Variants in ADARB2 observed in about 807,000 individuals in gnomAD.
ADARB2 encodes adenosine deaminase RNA specific B2 (inactive).
Under a neutral mutation model 62.2 loss-of-function variants are expected in ADARB2, and 25 were observed. The observed-to-expected ratio is 0.40, with a 90% CI of 0.29 to 0.56. The LOEUF (loss-of-function observed/expected upper bound fraction) is 0.56. ADARB2 is among the 20% of genes least tolerant of loss of function. The pLI, the probability that ADARB2 is intolerant of heterozygous loss-of-function variation, is 0.43. For missense variants in ADARB2, 1,071 were observed against 1,077.4 expected (o/e 0.99, Z 0.08); for synonymous variants, 572 against 500.8 (o/e 1.14, Z -1.90).
chr10:1,201,036 A>C (rs570670768), intron 7 of ADARB2, among the ~76,000 whole-genome samples: 1 of 152,338 alleles, frequency 6.6e-6, no homozygotes, highest in East Asian at 1.9e-4. Context: ...TCTTTCCATT[A>C]ATTACCGAAT....
intron 1 of ADARB2, among the ~76,000 whole-genome samples, chr10:1,721,349 A>C (rs1298785913): frequency 1.3e-5 from 2 of 152,264 alleles, no homozygotes; most frequent in Non-Finnish European, 2.9e-5. Context: ...ACATAAAATA[A>C]TTCAGAAAGA....
At chr10:1,438,723 T>G (rs565393652) in intron 1 of ADARB2, among the ~76,000 whole-genome samples, 30 of 150,592 alleles carry the variant, frequency 2.0e-4, no homozygotes, top group African/African-American at 7.4e-4. Context: ...CTCCTGAGTC[T>G]CCTCAGCAGA....
At chr10:1,211,243 C>G (rs1374334397) in intron 7 of ADARB2, among the ~76,000 whole-genome samples, 1 of 152,184 alleles carries the variant, frequency 6.6e-6, no homozygotes, top group Non-Finnish European at 1.5e-5. Flanking sequence ...CATCTATTAT[C>G]TGTCATCTGT....
chr10:1,722,989 C>T (rs1835113354), intron 1 of ADARB2, among the ~76,000 whole-genome samples: 2 of 152,166 alleles, frequency 1.3e-5, no homozygotes, highest in Admixed American at 1.3e-4. Context: ...ACTAAGGTGT[C>T]CTATATTCAT....
At chr10:1,263,119 C>A (rs973081189) in intron 4 of ADARB2, among the ~76,000 whole-genome samples, 1 of 108,556 alleles carries the variant, frequency 9.2e-6, no homozygotes, top group Non-Finnish European at 1.7e-5. Flanking sequence ...CATCACACAC[C>A]GGGGCCTGTT....
intron 1 of ADARB2, among the ~76,000 whole-genome samples, chr10:1,592,133 G>A (rs941245112): frequency 2.0e-5 from 3 of 152,200 alleles, no homozygotes; most frequent in Non-Finnish European, 4.4e-5. Flanking sequence ...GATGCTGAGA[G>A]CACCAGACAC....
At chr10:1,220,770 T>C (rs186400754) in intron 6 of ADARB2, among the ~76,000 whole-genome samples, 96 of 152,334 alleles carry the variant, frequency 6.3e-4, no homozygotes, top group Non-Finnish European at 9.9e-4. Flanking sequence ...TCTAAATTTT[T>C]ACCAGTTGCT....
intron 1 of ADARB2, among the ~76,000 whole-genome samples, chr10:1,511,878 T>A (rs2813445): frequency 0.012 from 1,748 of 151,868 alleles, 44 homozygotes; most frequent in African/African-American, 0.039. Context: ...ACTTTGATAC[T>A]GTCTACACTG....
chr10:1,201,998 C>A (rs1836993334), intron 7 of ADARB2, among the ~76,000 whole-genome samples: 1 of 152,128 alleles, frequency 6.6e-6, no homozygotes. Flanking sequence ...CAATCTTTTC[C>A]TTGATGTTCA....
At chr10:1,289,889 C>A (rs1831449365) in intron 3 of ADARB2, 1 of 152,118 alleles carries the variant, frequency 6.6e-6, no homozygotes, top group African/African-American at 2.4e-5. Context: ...CAGGAAGGCC[C>A]TCCCACGTGT....
chr10:1,648,007 A>T (rs1295956429), intron 1 of ADARB2, among the ~76,000 whole-genome samples: 1 of 152,204 alleles, frequency 6.6e-6, no homozygotes, highest in Non-Finnish European at 1.5e-5. Flanking sequence ...AATTGAGTGG[A>T]TACATGTCTT....
intron 1 of ADARB2, among the ~76,000 whole-genome samples, chr10:1,399,205 G>A (rs1832641443): frequency 6.6e-6 from 1 of 152,102 alleles, no homozygotes. Flanking sequence ...CTGAAGTGCC[G>A]GCTGTTTTCT....
chr10:1,433,337 G>A (rs567904368), intron 1 of ADARB2, among the ~76,000 whole-genome samples: 113 of 152,260 alleles, frequency 7.4e-4, no homozygotes, highest in Admixed American at 2.1e-3. Flanking sequence ...TGCCCCACAA[G>A]CCTGCAGGGA....
At chr10:1,690,190 G>A (rs1449505359) in intron 1 of ADARB2, among the ~76,000 whole-genome samples, 2 of 152,220 alleles carry the variant, frequency 1.3e-5, no homozygotes, top group African/African-American at 4.8e-5. Flanking sequence ...ACAGGGCTGT[G>A]CAGCTTGTTT....
chr10:1,620,230 T>C (rs1379036698), intron 1 of ADARB2, among the ~76,000 whole-genome samples: 3 of 152,034 alleles, frequency 2.0e-5, no homozygotes, highest in Admixed American at 6.5e-5. Context: ...CAAATTGACA[T>C]ATTTAGATTG....
intron 1 of ADARB2, among the ~76,000 whole-genome samples, chr10:1,645,902 C>G (rs1288556337): frequency 1.3e-5 from 2 of 152,226 alleles, no homozygotes; most frequent in African/African-American, 2.4e-5. Context: ...CTCAATCAGT[C>G]ATTCCAGCAC....
chr10:1,318,679 T>A (rs1831765073), intron 3 of ADARB2, among the ~76,000 whole-genome samples: 1 of 152,216 alleles, frequency 6.6e-6, no homozygotes, highest in Admixed American at 6.5e-5. Flanking sequence ...AGACTGTGTT[T>A]GGGAATGCCT....
intron 3 of ADARB2, among the ~76,000 whole-genome samples, chr10:1,274,582 C>T (rs1022906148): frequency 6.6e-6 from 1 of 152,122 alleles, no homozygotes; most frequent in Non-Finnish European, 1.5e-5. Flanking sequence ...TCAGGATGGT[C>T]TCAGACCACT....
intron 1 of ADARB2, among the ~76,000 whole-genome samples, chr10:1,448,888 C>T (rs537025042): frequency 7.0e-4 from 107 of 152,268 alleles, no homozygotes; most frequent in African/African-American, 2.3e-3. Context: ...CTCAGCCTGC[C>T]GACCCCATGA....
Sources: allele counts gnomAD v4.1 joint callset (sites outside exome capture counted in the v4.1 genomes callset), GRCh38; gene constraint gnomAD v4.1.1; transcripts MANE v1.5; gene names NCBI Gene and HGNC (gene_info 2026-07-23, HGNC 2026-07-21).